Variants in SLC22A23 observed in about 807,000 individuals in gnomAD.
The protein encoded by SLC22A23 is solute carrier family 22 member 23, also known as ion transporter protein.
A neutral mutation model predicts 61.0 loss-of-function variants in SLC22A23; 26 were observed. That is an observed-to-expected ratio of 0.43 (90% confidence interval 0.31 to 0.59). The LOEUF (loss-of-function observed/expected upper bound fraction) is 0.59, where lower values mean the gene tolerates loss of function less well. SLC22A23 is among the 20% of genes least tolerant of loss of function. SLC22A23 has a pLI of 0.11. For synonymous variants in SLC22A23, 430 were observed against 413.9 expected (o/e 1.04, Z -0.47); for missense variants, 796 against 934.7 (o/e 0.85, Z 1.94).
rs199852691 is a variant in SLC22A23, at chr6:3,456,196, C to T, written c.364G>A (p.Asp122Asn). 1,110 of 1,551,260 alleles carry T rather than the reference C, an allele frequency of 7.2e-4. 2 individuals carry two copies. The highest frequency in any genetic ancestry group is 4.1e-3 in the South Asian group (345 of 84,040). The change falls in exon 1 of 10, where the codon GAC becomes AAC. Residue 122 changes from aspartate (D) to asparagine (N), a missense_variant. Asp to Asn is a conservative substitution (Grantham distance 23). Coordinates refer to ENST00000406686, the MANE Select transcript of SLC22A23 (RefSeq NM_015482.2). The surrounding 1 kb of genome is among the most constrained non-coding windows in gnomAD (Gnocchi z 7.1). The stretch of plus-strand genomic sequence containing the variant: ...CCGCGGCACCAGAAGTTGGGCTGGT[C>T]CAGGAGGAACGAGTCCGAGAACTGG... The part of the protein sequence containing the change: ...FSQFSDSFLL[D>N]QPNFWCRGAG...
At chr6:3,295,338 G>A (rs972515422) in intron 5 of SLC22A23, among the ~76,000 whole-genome samples, 1 of 152,228 alleles carries the variant, frequency 6.6e-6, no homozygotes, top group Non-Finnish European at 1.5e-5. Flanking sequence ...GTGTGCACCG[G>A]GAGGGACCTG....
At chr6:3,430,936 C>T (rs146272111) in intron 1 of SLC22A23, among the ~76,000 whole-genome samples, 3,087 of 151,930 alleles carry the variant, frequency 0.02, 109 homozygotes, top group African/African-American at 0.069. Flanking sequence ...TGTGGTGGCA[C>T]GCACCTGTAA....
intron 1 of SLC22A23, among the ~76,000 whole-genome samples, chr6:3,430,607 T>C (rs771863972): frequency 6.6e-6 from 1 of 152,100 alleles, no homozygotes; most frequent in Non-Finnish European, 1.5e-5. Flanking sequence ...CCTCGCTCTT[T>C]AGAGTTTGGG....
At chr6:3,279,230 G>T (rs949009921) in intron 9 of SLC22A23, among the ~76,000 whole-genome samples, 4 of 151,648 alleles carry the variant, frequency 2.6e-5, no homozygotes, top group East Asian at 3.9e-4. Context: ...CCTTGATATG[G>T]CCGGGCATGG....
intron 3 of SLC22A23, among the ~76,000 whole-genome samples, chr6:3,404,735 C>G (rs1768675152): frequency 1.3e-5 from 2 of 152,170 alleles, no homozygotes; most frequent in African/African-American, 4.8e-5. Flanking sequence ...AGCCCAGAAG[C>G]TCTGACTGCT....
At position 3,390,358 on chromosome 6, in the gene SLC22A23, T is replaced by C. The variant is rs140145779; in HGVS notation, c.913+19830A>G. Among the ~76,000 whole-genome samples, 34 of 152,330 alleles carry C rather than the reference T, an allele frequency of 2.2e-4. No individual in the cohort carries two copies. In the East Asian group the frequency reaches 6.2e-3, roughly 28 times the overall value. Reference sequence around the variant, plus strand: ...CTGTCAGAATGCAGAGAGATCTAAGTAGATCCTGCATCCCTCTTCTCTGCC... The same window carrying C: ...CTGTCAGAATGCAGAGAGATCTAAGCAGATCCTGCATCCCTCTTCTCTGCC... On this transcript the variant is annotated intron_variant, in intron 3 of 9. Coordinates refer to ENST00000406686, the MANE Select transcript of SLC22A23 (RefSeq NM_015482.2). This position sits in a 1 kb window ranked among gnomAD's most constrained non-coding sequence, Gnocchi z 4.0.
At chr6:3,305,870 A>G (rs1761937953) in intron 4 of SLC22A23, among the ~76,000 whole-genome samples, 4 of 152,246 alleles carry the variant, frequency 2.6e-5, no homozygotes, top group Admixed American at 2.6e-4. Flanking sequence ...GTTGGCTCTC[A>G]GAGTGGCTGT....
intron 3 of SLC22A23, among the ~76,000 whole-genome samples, chr6:3,332,112 G>A (rs998796304): frequency 1.3e-5 from 2 of 152,218 alleles, no homozygotes; most frequent in Non-Finnish European, 2.9e-5. Flanking sequence ...TCCGAGGCAT[G>A]TGGCCAAACA....
intron 3 of SLC22A23, among the ~76,000 whole-genome samples, chr6:3,343,538 A>G (rs994068468): frequency 2.0e-5 from 3 of 152,306 alleles, no homozygotes; most frequent in Non-Finnish European, 2.9e-5. Context: ...CTTTTTTTCA[A>G]TAAGACTAGC....
intron 3 of SLC22A23, among the ~76,000 whole-genome samples, chr6:3,350,294 G>A (rs1396373536): frequency 2.6e-5 from 4 of 152,190 alleles, no homozygotes; most frequent in Non-Finnish European, 4.4e-5. Flanking sequence ...GGAAAACTAT[G>A]ACCCTCGGGC....
chr6:3,444,203 C>A (rs921987201), intron 1 of SLC22A23, among the ~76,000 whole-genome samples: 3 of 152,128 alleles, frequency 2.0e-5, no homozygotes, highest in African/African-American at 7.2e-5. Flanking sequence ...CTTTCCCAGA[C>A]AAATAGGTCC....
Position 3,350,972 on chromosome 6 carries a change from G to T in SLC22A23, c.914-26970C>A, listed in dbSNP as rs147446115. On this transcript the variant is annotated intron_variant, in intron 3 of 9. Coordinates refer to ENST00000406686, the MANE Select transcript of SLC22A23 (RefSeq NM_015482.2). ...CATTTAATTTGTGGTGAAAGAGAAA[G>T]ATTTTTTTCTTAAAAAAAAAAATCC... Among the ~76,000 whole-genome samples, 66 of 93,036 alleles carry T rather than the reference G, an allele frequency of 7.1e-4. No individual in the cohort carries two copies. In the East Asian group the frequency reaches 0.021, roughly 29 times the overall value. 61.0% of individuals were successfully genotyped at this position (93,036 alleles called of 152,430 possible).
chr6:3,411,795 A>T (rs540037444), intron 2 of SLC22A23, among the ~76,000 whole-genome samples: 1 of 152,284 alleles, frequency 6.6e-6, no homozygotes, highest in African/African-American at 2.4e-5. Flanking sequence ...CTAGGAGCTC[A>T]ATGTAAGTCA....
intron 3 of SLC22A23, among the ~76,000 whole-genome samples, chr6:3,337,301 A>C (rs1305177791): frequency 6.6e-6 from 1 of 152,166 alleles, no homozygotes; most frequent in Non-Finnish European, 1.5e-5. Context: ...ATGTGTGCCT[A>C]AGGCGGAGGT....
In SLC22A23 at chr6:3,333,045, C is replaced by T. The variant is rs371942497; in HGVS notation, c.914-9043G>A. On this transcript the variant is annotated intron_variant, in intron 3 of 9. Coordinates refer to ENST00000406686, the MANE Select transcript of SLC22A23 (RefSeq NM_015482.2). This position sits in a 1 kb window ranked among gnomAD's most constrained non-coding sequence, Gnocchi z 4.1. ...GTGCCTGTGCGTCACGGTGCTGCCC[C>T]GCAGGAGGTCACCTACTGGGAATGA... Among the ~76,000 whole-genome samples, 1 of 152,048 alleles carries T rather than the reference C, an allele frequency of 6.6e-6. No individual in the cohort carries two copies. The highest frequency in any genetic ancestry group is 2.1e-4 in the South Asian group (1 of 4,816).
At chr6:3,283,773 C>T in intron 9 of SLC22A23, 79 bp downstream of exon 9, 1 of 1,594,316 alleles carries the variant, frequency 6.3e-7, no homozygotes, top group South Asian at 1.1e-5. Context: ...GCTGGTTAAT[C>T]CCACACCAGC....
chr6:3,363,288 G>A (rs1765599289), intron 3 of SLC22A23, among the ~76,000 whole-genome samples: 2 of 152,174 alleles, frequency 1.3e-5, no homozygotes, highest in South Asian at 4.1e-4. Context: ...GTGAGCTCCG[G>A]CAGCACAGCA....
intron 5 of SLC22A23, among the ~76,000 whole-genome samples, chr6:3,295,714 A>G (rs543614480): frequency 3.0e-4 from 46 of 152,276 alleles, no homozygotes; most frequent in East Asian, 9.6e-4. Context: ...CAACTGAAAG[A>G]CACGCTGCCT....
intron 1 of SLC22A23, among the ~76,000 whole-genome samples, chr6:3,453,575 G>T (rs1236067027): frequency 6.6e-6 from 1 of 152,198 alleles, no homozygotes; most frequent in Non-Finnish European, 1.5e-5. Flanking sequence ...AAGAGGTCCA[G>T]AACTGTGCCT....
Sources: gnomAD v4.1 joint callset for allele counts (sites outside exome capture counted in the v4.1 genomes callset) on GRCh38, gnomAD v4.1.1 for gene constraint, Gnocchi (gnomAD v3.1) non-coding constraint, MANE v1.5 for transcripts, NCBI Gene and HGNC (gene_info 2026-07-23, HGNC 2026-07-21) for gene names.